LIPI: variants seen among roughly 807,000 people sequenced by gnomAD.
LIPI encodes lipase I.
LIPI carries 59 observed loss-of-function variants against 50.6 expected under a neutral mutation model. The ratio of observed to expected loss-of-function variants is 1.16; its 90% CI spans 0.94 to 1.45. LIPI has a LOEUF of 1.45. Among genes scored for constraint, LIPI ranks in the 40% most tolerant of loss-of-function variants. The pLI, the probability that LIPI is intolerant of heterozygous loss-of-function variation, is 0.00. For missense variants in LIPI, 586 were observed against 536.3 expected, an observed-to-expected ratio of 1.09 and a Z score of -0.92; for synonymous variants, 203 against 178.2, an observed-to-expected ratio of 1.14 and a Z score of -1.11.
chr21:14,181,085 G>A (rs28419629), intron 4 of LIPI, among the ~76,000 whole-genome samples: 2,823 of 152,124 alleles, frequency 0.019, 86 homozygotes, highest in African/African-American at 0.063. Context: ...TCTATCTAAC[G>A]GAAATTTAGT....
intron 2 of LIPI, 100 bp downstream of exon 2, chr21:14,188,934 T>C (rs2019548858): frequency 2.0e-6 from 2 of 1,019,560 alleles, no homozygotes; most frequent in Non-Finnish European, 3.0e-6. Context: ...AGTATATAGT[T>C]TATTATCACT....
Position 14,205,206 on chromosome 21 carries a change from C to G in LIPI, c.46+5594G>C, listed in dbSNP as rs137912704. 2.5e-4 allele frequency among the ~76,000 whole-genome samples: 38 copies of G among 151,780 alleles called. No individual in the cohort carries two copies. The East Asian group carries it at 7.1e-3, about 29-fold the overall frequency. ...ACCATATCATTTTTACCTTTATACTCATTGACTACTAACATCAATGTATAT... is the reference window on the plus strand; with the variant it reads ...ACCATATCATTTTTACCTTTATACTGATTGACTACTAACATCAATGTATAT... On this transcript the variant is annotated intron_variant, in intron 1 of 9. Coordinates refer to ENST00000681601, the MANE Select transcript of LIPI (RefSeq NM_001302998.2).
At chr21:14,149,128 C>T (rs2018001964) in intron 8 of LIPI, among the ~76,000 whole-genome samples, 1 of 152,122 alleles carries the variant, frequency 6.6e-6, no homozygotes, top group Admixed American at 6.5e-5. Flanking sequence ...AAAAGAGGTT[C>T]AACTGACTCA....
chr21:14,159,196 A>T (rs905427535), intron 7 of LIPI, among the ~76,000 whole-genome samples: 1 of 151,464 alleles, frequency 6.6e-6, no homozygotes, highest in African/African-American at 2.4e-5. Flanking sequence ...CCAGACAAAG[A>T]CAATAAGAAA....
chr21:14,154,429 C>T (rs1274976236), intron 7 of LIPI, among the ~76,000 whole-genome samples: 1 of 151,788 alleles, frequency 6.6e-6, no homozygotes, highest in Non-Finnish European at 1.5e-5. Context: ...AAAGCTACTA[C>T]TAGGATATAC....
intron 7 of LIPI, among the ~76,000 whole-genome samples, chr21:14,152,930 T>C (rs2018149637): frequency 6.6e-6 from 1 of 152,128 alleles, no homozygotes; most frequent in Non-Finnish European, 1.5e-5. Context: ...GTAATGGGTA[T>C]GGTGAAGTAT....
chr21:14,196,571 A>G (rs2019863647), intron 1 of LIPI, among the ~76,000 whole-genome samples: 2 of 152,286 alleles, frequency 1.3e-5, no homozygotes, highest in Middle Eastern at 3.4e-3. Flanking sequence ...TCACATCTGT[A>G]ATCCCAGAAC....
intron 7 of LIPI, among the ~76,000 whole-genome samples, chr21:14,154,129 C>A: frequency 6.7e-6 from 1 of 149,222 alleles, no homozygotes; most frequent in South Asian, 2.2e-4. Context: ...ATTTTTAATC[C>A]AGACTTGACA....
chr21:14,164,011 C>T (rs1021832562), intron 6 of LIPI, among the ~76,000 whole-genome samples: 2 of 150,090 alleles, frequency 1.3e-5, no homozygotes, highest in Non-Finnish European at 3.0e-5. Context: ...TTTACATGTA[C>T]TGTATGTTGT....
At chr21:14,209,892 A>G (rs1310830537) in intron 1 of LIPI, among the ~76,000 whole-genome samples, 2 of 151,976 alleles carry the variant, frequency 1.3e-5, no homozygotes, top group African/African-American at 2.4e-5. Flanking sequence ...AAGAAACTTA[A>G]GAGTAATAAT....
intron 7 of LIPI, among the ~76,000 whole-genome samples, chr21:14,156,658 A>C (rs1264578900): frequency 6.6e-6 from 1 of 151,812 alleles, no homozygotes; most frequent in Non-Finnish European, 1.5e-5. Context: ...TGATACAAAT[A>C]ATGTGATATA....
intron 1 of LIPI, among the ~76,000 whole-genome samples, chr21:14,194,440 A>G (rs1011931610): frequency 6.6e-6 from 1 of 152,192 alleles, no homozygotes; most frequent in African/African-American, 2.4e-5. Context: ...AACCTGGTAG[A>G]TATCTAGAAT....
intron 9 of LIPI, among the ~76,000 whole-genome samples, chr21:14,112,506 T>C (rs1382149400): frequency 6.6e-6 from 1 of 152,120 alleles, no homozygotes; most frequent in African/African-American, 2.4e-5. Context: ...TCTTCTTCAA[T>C]TTATTTCATC....
At chr21:14,133,148 A>G (rs1200020688) in intron 9 of LIPI, among the ~76,000 whole-genome samples, 2 of 152,208 alleles carry the variant, frequency 1.3e-5, no homozygotes, top group Non-Finnish European at 2.9e-5. Context: ...TATTCTTTCT[A>G]ACTCATTCTA....
chr21:14,192,384 G>A (rs572480028), intron 1 of LIPI, among the ~76,000 whole-genome samples: 10 of 152,274 alleles, frequency 6.6e-5, no homozygotes, highest in African/African-American at 2.4e-4. Flanking sequence ...AGAATCACTT[G>A]AACCTGGGAG....
intron 7 of LIPI, among the ~76,000 whole-genome samples, chr21:14,154,333 T>TTA (rs1413064314): frequency 2.0e-5 from 3 of 152,056 alleles, no homozygotes; most frequent in African/African-American, 2.4e-5. Flanking sequence ...TGTCCTAAAC[T>TTA]ATCTTTTCAT....
At chr21:14,210,293 C>G (rs1318827682) in intron 1 of LIPI, among the ~76,000 whole-genome samples, 1 of 152,002 alleles carries the variant, frequency 6.6e-6, no homozygotes, top group Non-Finnish European at 1.5e-5. Context: ...AAAGTTCTAC[C>G]TTATTACCAT....
At chr21:14,208,334 AT>A (rs1311879894) in intron 1 of LIPI, among the ~76,000 whole-genome samples, 1 of 152,170 alleles carries the variant, frequency 6.6e-6, no homozygotes, top group Non-Finnish European at 1.5e-5. Context: ...AAGAATTCGC[AT>A]TTTTATCACA....
chr21:14,206,403 A>T (rs539641876), intron 1 of LIPI, among the ~76,000 whole-genome samples: 6 of 152,150 alleles, frequency 3.9e-5, no homozygotes, highest in Non-Finnish European at 7.4e-5. Context: ...TGCTGAGATA[A>T]GTTTGTCTTG....
Sources: gnomAD v4.1 joint callset for allele counts (sites outside exome capture counted in the v4.1 genomes callset) on GRCh38, gnomAD v4.1.1 for gene constraint, MANE v1.5 for transcripts, NCBI Gene and HGNC (gene_info 2026-07-23, HGNC 2026-07-21) for gene names.